Variants in C9orf43 observed in about 807,000 individuals in gnomAD.
C9orf43 encodes the protein uncharacterized protein C9orf43.
Under a neutral mutation model 59.1 loss-of-function variants are expected in C9orf43, and 45 were observed. That is an observed-to-expected ratio of 0.76 (90% CI 0.60 to 0.98). The LOEUF is 0.98. Among genes scored for constraint, C9orf43 ranks in the 50% least tolerant of loss-of-function variants. C9orf43 has a pLI of 0.00. For missense variants in C9orf43, 533 were observed against 554.9 expected, an observed-to-expected ratio of 0.96 and a Z score of 0.40; for synonymous variants, 203 against 196.8, an observed-to-expected ratio of 1.03 and a Z score of -0.26.
At chr9:113,419,575 A>G (rs1365012670) in intron 4 of C9orf43, among the ~76,000 whole-genome samples, 2 of 152,208 alleles carry the variant, frequency 1.3e-5, no homozygotes, top group African/African-American at 4.8e-5. Context: ...TAAGAAATAG[A>G]TTTTACAACA....
At position 113,413,613 on chromosome 9, in the gene C9orf43, C is replaced by T; in HGVS notation, c.120C>T (p.Gly40=). ...RIERGHPRIL[G]SSCKTPLDAE... ...AGAGGGGCCATCCTCGAATCCTCGG[C>T]TCATCCTGCAAAACTCCCCTGGATG... is the stretch of plus-strand genomic sequence containing the variant. The change falls in exon 2 of 14, where the codon GGC becomes GGT. Residue 40 remains glycine (G), a synonymous_variant. Transcript: ENST00000374165. 1 of 1,614,220 alleles carries T rather than the reference C, an allele frequency of 6.2e-7. No homozygotes were observed. Among genetic ancestry groups the T allele is most frequent in the Non-Finnish European group, 8.5e-7 (1 of 1,180,018 alleles).
chr9:113,410,755 AGGC>A lies in C9orf43; in HGVS notation c.-295_-293del, dbSNP rs1473481731. On this transcript the variant is annotated 5_prime_UTR_variant, in exon 1 of 14. Coordinates refer to ENST00000374165, the MANE Select transcript of C9orf43 (RefSeq NM_001278629.2). Reference sequence around the variant, plus strand: ...GCGGGGCGGATCCCTTTAGGACCCGAGGCAGGCTCTGGGCCCGCCGGGTCCGTT... The same window carrying A: ...GCGGGGCGGATCCCTTTAGGACCCGAAGGCTCTGGGCCCGCCGGGTCCGTT... 4.9e-5 allele frequency: 10 copies of A among 203,276 alleles called. No individual in the cohort carries two copies. Among genetic ancestry groups the A allele is most frequent in the African/African-American group, 2.1e-4 (9 of 42,718 alleles). The allele number at this position is 203,276 out of a possible 1,614,324, so 12.6% of individuals were successfully genotyped here.
At chr9:113,423,242 A>T in intron 6 of C9orf43, 84 bp from the exon 7 acceptor site, 2 of 1,318,630 alleles carry the variant, frequency 1.5e-6, no homozygotes, top group South Asian at 1.4e-5. Context: ...ATGCCAGGGT[A>T]GTGTTGAGAG....
intron 1 of C9orf43, among the ~76,000 whole-genome samples, chr9:113,413,159 C>T (rs1428265687): frequency 6.6e-6 from 1 of 152,180 alleles, no homozygotes; most frequent in African/African-American, 2.4e-5. Flanking sequence ...TAAGCTTATC[C>T]TCATTTTACA....
At chr9:113,428,350 C>T (rs1346645948) in intron 12 of C9orf43, 127 bp downstream of exon 12, 4 of 951,168 alleles carry the variant, frequency 4.2e-6, no homozygotes, top group Non-Finnish European at 6.6e-6. Context: ...GACAGTTGTT[C>T]TTCTCCTGCT....
chr9:113,418,170 A>C (rs1017507353), intron 3 of C9orf43, among the ~76,000 whole-genome samples: 2 of 152,240 alleles, frequency 1.3e-5, no homozygotes, highest in Admixed American at 6.5e-5. Context: ...ATCCATTTCC[A>C]GAATGTTTTC....
chr9:113,414,712 A>T (rs1828296245), intron 3 of C9orf43, among the ~76,000 whole-genome samples: 1 of 152,146 alleles, frequency 6.6e-6, no homozygotes, highest in Non-Finnish European at 1.5e-5. Context: ...ATAACTTTTT[A>T]AAAAACCATA....
rs763720257 is a variant in C9orf43 at position 113,423,307 on chromosome 9, T to C, written c.484-19T>C. 3 of 1,611,730 alleles carry C rather than the reference T, an allele frequency of 1.9e-6. No individual in the cohort carries two copies. The highest frequency in any genetic ancestry group is 1.7e-5 in the Admixed American group (1 of 59,922). ...AAAAAGAATGCTTTGGAGAATTCTT[T>C]CCATTGTTTCTCTTCCAGAAAAGCA... is the stretch of plus-strand genomic sequence containing the variant. On this transcript the variant is annotated intron_variant, in intron 6 of 13. Transcript: ENST00000374165.
At chr9:113,413,350 C>G (rs1273043615) in intron 1 of C9orf43, 95 bp from the exon 2 acceptor site, 12 of 1,160,412 alleles carry the variant, frequency 1.0e-5, no homozygotes, top group Non-Finnish European at 1.4e-5. Context: ...TATATAGGTT[C>G]AATAGAAATA....
chr9:113,413,733 T>C, intron 2 of C9orf43, 26 bp from the exon 3 acceptor site: 1 of 1,612,974 alleles, frequency 6.2e-7, no homozygotes, highest in Non-Finnish European at 8.5e-7. Context: ...CAGGTTAACA[T>C]GTTTTCTTCT....
chr9:113,414,674 C>T (rs1046764247), intron 3 of C9orf43, among the ~76,000 whole-genome samples: 1 of 152,030 alleles, frequency 6.6e-6, no homozygotes, highest in African/African-American at 2.4e-5. Context: ...GGGTTAGGGC[C>T]CCCTCATGTG....
At chr9:113,423,865 G>C (rs541580230) in intron 7 of C9orf43, among the ~76,000 whole-genome samples, 7 of 152,298 alleles carry the variant, frequency 4.6e-5, no homozygotes, top group African/African-American at 1.7e-4. Flanking sequence ...CTGGCTATAT[G>C]AATTTTGGTA....
In C9orf43 at chr9:113,413,616, A is replaced by T. The variant is rs768605987; in HGVS notation, c.123A>T (p.Ser41=). The T allele has an allele frequency of 3.1e-6, 5 of 1,614,214 alleles. No individual in the cohort carries two copies. The highest frequency in any genetic ancestry group is 4.2e-6 in the Non-Finnish European group (5 of 1,180,020). The part of the protein sequence containing the change: ...IERGHPRILG[S]SCKTPLDAED... ...GGGGCCATCCTCGAATCCTCGGCTC[A>T]TCCTGCAAAACTCCCCTGGATGCTG... Residue 41 remains serine, a synonymous_variant, in exon 2 of 14, where the codon TCA becomes TCT. Coordinates refer to ENST00000374165, the MANE Select transcript of C9orf43 (RefSeq NM_001278629.2).
Position 113,427,406 on chromosome 9 carries a change from A to C in C9orf43, c.1031-741A>C, listed in dbSNP as rs538726807. On this transcript the variant is annotated intron_variant, in intron 11 of 13. Transcript: ENST00000374165. ...TGGTCAGGCTGGTCTCGAACTCCCA[A>C]CCTCAGGTGATCTGCCCGCCTCGGC... Among the ~76,000 whole-genome samples, 6 of 152,238 alleles carry C rather than the reference A, an allele frequency of 3.9e-5. No homozygotes were observed. In the South Asian group the frequency reaches 6.2e-4, roughly 16 times the overall value.
Position 113,428,182 on chromosome 9 carries a change from AAGC to A in C9orf43, c.1078_1080del (p.Gln360del). The A allele has an allele frequency of 1.2e-6, 2 of 1,614,166 alleles. No individual in the cohort carries two copies. Among genetic ancestry groups the A allele is most frequent in the Non-Finnish European group, 1.7e-6 (2 of 1,179,998 alleles). ...TCTGCCAGGTCAGAACAGTGACATGAAGCAGCAGCAGCAGATGGAAAAAGGAAC... is the reference window on the plus strand; with the variant it reads ...TCTGCCAGGTCAGAACAGTGACATGAAGCAGCAGCAGATGGAAAAAGGAAC... On this transcript the variant is annotated inframe_deletion, in exon 12 of 14. Coordinates refer to ENST00000374165, the MANE Select transcript of C9orf43 (RefSeq NM_001278629.2).
intron 1 of C9orf43, among the ~76,000 whole-genome samples, chr9:113,412,362 C>T (rs1828202235): frequency 6.6e-6 from 1 of 152,224 alleles, no homozygotes; most frequent in South Asian, 2.1e-4. Flanking sequence ...AGGCCAGGTG[C>T]AATCCCAGGC....
At chr9:113,415,815 G>T (rs1483225082) in intron 3 of C9orf43, among the ~76,000 whole-genome samples, 2 of 152,138 alleles carry the variant, frequency 1.3e-5, no homozygotes, top group Non-Finnish European at 2.9e-5. Flanking sequence ...AAGCACCAGT[G>T]GTGGCTCTCA....
chr9:113,423,397 C>G lies in C9orf43; in HGVS notation c.555C>G (p.Ile185Met). 6.2e-7 allele frequency: 1 copy of G among 1,614,092 alleles called. No individual in the cohort carries two copies. The highest frequency in any genetic ancestry group is 8.5e-7 in the Non-Finnish European group (1 of 1,179,964). The part of the protein sequence containing the change: ...AGTRVGTPGM[I>M]VPPPTPVQLS... ...CACGAGTAGGAACACCAGGGATGATCGTGCCTCCCCCAACCCCAGTGCAAT... is the reference window on the plus strand; with the variant it reads ...CACGAGTAGGAACACCAGGGATGATGGTGCCTCCCCCAACCCCAGTGCAAT... Residue 185 changes from isoleucine to methionine, a missense_variant, in exon 7 of 14, where the codon ATC becomes ATG. Ile to Met is a conservative substitution (Grantham distance 10, BLOSUM62 1). Coordinates refer to ENST00000374165, the MANE Select transcript of C9orf43 (RefSeq NM_001278629.2).
intron 10 of C9orf43, 78 bp downstream of exon 10, chr9:113,425,498 G>T: frequency 6.6e-7 from 1 of 1,522,728 alleles, no homozygotes; most frequent in South Asian, 1.2e-5. Flanking sequence ...TGAAAGGTGG[G>T]GGTCTCCTTG....
Sources: gnomAD v4.1 joint callset for allele counts (sites outside exome capture counted in the v4.1 genomes callset) on GRCh38, gnomAD v4.1.1 for gene constraint, MANE v1.5 for transcripts, NCBI Gene and HGNC (gene_info 2026-07-23, HGNC 2026-07-21) for gene names.